Variants in NEK10 observed in about 807,000 individuals in gnomAD.
NEK10 encodes the protein serine/threonine-protein kinase Nek10.
Under a neutral mutation model 159.8 loss-of-function variants are expected in NEK10, and 122 were observed. That is an observed-to-expected ratio of 0.76 (90% CI 0.66 to 0.89). The LOEUF (loss-of-function observed/expected upper bound fraction) is 0.89. Among genes scored for constraint, NEK10 ranks in the 40% least tolerant of loss-of-function variants. NEK10 has a pLI of 0.00. For missense variants in NEK10, 1,342 were observed against 1,323.1 expected (o/e 1.01, Z -0.22); for synonymous variants, 466 against 457.1 (o/e 1.02, Z -0.25).
chr3:27,209,004 G>A (rs184563943), intron 23 of NEK10, among the ~76,000 whole-genome samples: 1 of 152,258 alleles, frequency 6.6e-6, no homozygotes, highest in African/African-American at 2.4e-5. Flanking sequence ...AAGAGCTGTG[G>A]AATAATATAC....
Position 27,252,159 on chromosome 3 carries a change from C to T in NEK10, c.2090+4137G>A, listed in dbSNP as rs116419765. 7.0e-3 allele frequency: 3,279 copies of T among 470,286 alleles called. 18 individuals are homozygous for T. The highest frequency in any genetic ancestry group is 0.01 in the Non-Finnish European group (2,384 of 234,266). The allele number at this position is 470,286 out of a possible 1,614,324, so 29.1% of individuals were successfully genotyped here. ...AGACGCAAGTCCTATGCTTATGGAG[C>T]TTGTGTGTAGTGGAGAGACACACTA... On this transcript the variant is annotated intron_variant, in intron 23 of 35. Coordinates refer to ENST00000691995, the MANE Select transcript of NEK10 (RefSeq NM_001394966.1).
intron 1 of NEK10, among the ~76,000 whole-genome samples, chr3:27,359,105 G>A (rs1001401448): frequency 1.3e-5 from 2 of 151,878 alleles, no homozygotes; most frequent in African/African-American, 4.8e-5. Context: ...AGGAGGCTGA[G>A]GCAGGAGAAT....
intron 23 of NEK10, among the ~76,000 whole-genome samples, chr3:27,232,251 C>T (rs928970412): frequency 6.6e-6 from 1 of 151,800 alleles, no homozygotes; most frequent in African/African-American, 2.4e-5. Context: ...AAACCAGTAG[C>T]ACTGCTACAC....
intron 30 of NEK10, chr3:27,143,568 C>A (rs189410458): frequency 3.1e-6 from 2 of 636,824 alleles, no homozygotes; most frequent in South Asian, 1.8e-5. Flanking sequence ...TTTATTGAGA[C>A]CCTTTGACCA....
At chr3:27,321,781 C>T (rs2045659830) in intron 6 of NEK10, among the ~76,000 whole-genome samples, 1 of 152,176 alleles carries the variant, frequency 6.6e-6, no homozygotes, top group Non-Finnish European at 1.5e-5. Flanking sequence ...CATTGGCTGC[C>T]TCTCAGCCAC....
intron 23 of NEK10, among the ~76,000 whole-genome samples, chr3:27,203,304 T>C (rs909756049): frequency 1.3e-5 from 2 of 152,188 alleles, no homozygotes; most frequent in Non-Finnish European, 2.9e-5. Flanking sequence ...AGCCTTTCCC[T>C]TTGCTATTCA....
intron 12 of NEK10, among the ~76,000 whole-genome samples, chr3:27,303,954 C>A (rs1007062152): frequency 6.6e-6 from 1 of 152,164 alleles, no homozygotes; most frequent in Non-Finnish European, 1.5e-5. Context: ...CTGAATTATA[C>A]TTTATAACAA....
intron 6 of NEK10, among the ~76,000 whole-genome samples, chr3:27,315,978 G>C (rs1163587755): frequency 6.6e-6 from 1 of 152,216 alleles, no homozygotes; most frequent in South Asian, 2.1e-4. Flanking sequence ...AAGGTGAATA[G>C]AAATTGTGCA....
chr3:27,136,989 T>C (rs1943285891), intron 31 of NEK10, among the ~76,000 whole-genome samples: 1 of 152,258 alleles, frequency 6.6e-6, no homozygotes, highest in African/African-American at 2.4e-5. Context: ...TTACTTTCAG[T>C]CTTCCTTTGC....
chr3:27,245,135 GCTGCTATA>G (rs1353370895), intron 23 of NEK10, among the ~76,000 whole-genome samples: 1 of 152,090 alleles, frequency 6.6e-6, no homozygotes, highest in Admixed American at 6.5e-5. Flanking sequence ...TTGGATCCAG[GCTGCTATA>G]CTTCATTCTA....
intron 5 of NEK10, among the ~76,000 whole-genome samples, chr3:27,334,480 G>C (rs2046653727): frequency 6.6e-6 from 1 of 152,010 alleles, no homozygotes; most frequent in African/African-American, 2.4e-5. Context: ...TGCCATCTAG[G>C]GTCCCCAGGA....
At chr3:27,147,711 G>A (rs1167322762) in intron 30 of NEK10, among the ~76,000 whole-genome samples, 1 of 152,202 alleles carries the variant, frequency 6.6e-6, no homozygotes, top group Non-Finnish European at 1.5e-5. Flanking sequence ...TTACAGGCCT[G>A]TAGCGTTAGA....
At chr3:27,244,829 C>T (rs1954902734) in intron 23 of NEK10, among the ~76,000 whole-genome samples, 1 of 152,164 alleles carries the variant, frequency 6.6e-6, no homozygotes, top group South Asian at 2.1e-4. Flanking sequence ...GCCCACACCG[C>T]AGATGCTGAT....
intron 5 of NEK10, among the ~76,000 whole-genome samples, chr3:27,337,905 G>A (rs1014593763): frequency 6.6e-6 from 1 of 152,030 alleles, no homozygotes; most frequent in Admixed American, 6.6e-5. Flanking sequence ...TGTAGGCAAA[G>A]ATTTTTTTTT....
chr3:27,118,644 G>C (rs1940844976), intron 33 of NEK10, among the ~76,000 whole-genome samples: 1 of 152,158 alleles, frequency 6.6e-6, no homozygotes, highest in Non-Finnish European at 1.5e-5. Flanking sequence ...TCACCCTCAG[G>C]TTTTTGAGAG....
intron 11 of NEK10, 99 bp downstream of exon 11, chr3:27,307,760 C>A: frequency 1.4e-6 from 1 of 694,698 alleles, no homozygotes; most frequent in African/African-American, 1.8e-5. Flanking sequence ...TCATCATATT[C>A]AGTTACAATG....
intron 23 of NEK10, among the ~76,000 whole-genome samples, chr3:27,229,879 AAC>A (rs1158598290): frequency 1.3e-5 from 2 of 152,150 alleles, no homozygotes; most frequent in African/African-American, 2.4e-5. Context: ...GATTATATAA[AAC>A]AGTCAAACTC....
At chr3:27,296,443 A>G (rs1291645003) in intron 14 of NEK10, among the ~76,000 whole-genome samples, 3 of 152,186 alleles carry the variant, frequency 2.0e-5, no homozygotes, top group Non-Finnish European at 2.9e-5. Flanking sequence ...GCCCTGTTCT[A>G]TCAACTACCC....
intron 22 of NEK10, among the ~76,000 whole-genome samples, chr3:27,278,154 C>A (rs1214728708): frequency 6.6e-6 from 1 of 152,134 alleles, no homozygotes; most frequent in African/African-American, 2.4e-5. Context: ...TTGATTTGTC[C>A]CACAGGCTGT....
Sources: allele counts gnomAD v4.1 joint callset (sites outside exome capture counted in the v4.1 genomes callset), GRCh38; gene constraint gnomAD v4.1.1; transcripts MANE v1.5; gene names NCBI Gene and HGNC (gene_info 2026-07-23, HGNC 2026-07-21).